UGT3A2: variants seen among roughly 807,000 people sequenced by gnomAD.
UGT3A2 encodes the protein UDP glycosyltransferase family 3 member A2.
UGT3A2 carries 32 observed loss-of-function variants against 39.8 expected under a neutral mutation model. The observed-to-expected ratio is 0.80, with a 90% confidence interval of 0.61 to 1.08. The LOEUF is 1.08. Among genes scored for constraint, UGT3A2 ranks in the 50% least tolerant of loss-of-function variants. The pLI, the probability that UGT3A2 is intolerant of heterozygous loss-of-function variation, is 0.00. For synonymous variants in UGT3A2, 241 were observed against 230.7 expected, an observed-to-expected ratio of 1.04 and a Z score of -0.40; for missense variants, 611 against 637.1, an observed-to-expected ratio of 0.96 and a Z score of 0.44.
At chr5:36,059,126 A>G (rs1742605753) in intron 2 of UGT3A2, among the ~76,000 whole-genome samples, 2 of 152,188 alleles carry the variant, frequency 1.3e-5, no homozygotes, top group African/African-American at 4.8e-5. Flanking sequence ...AGGCACTGAT[A>G]GGGACACATA....
intron 4 of UGT3A2, among the ~76,000 whole-genome samples, chr5:36,045,189 GC>G (rs2111715444): frequency 6.6e-6 from 1 of 152,218 alleles, no homozygotes; most frequent in South Asian, 2.1e-4. Context: ...CCATACATCT[GC>G]GGTGAACTTA....
At chr5:36,041,277 T>C (rs1032652974) in intron 4 of UGT3A2, among the ~76,000 whole-genome samples, 13 of 151,998 alleles carry the variant, frequency 8.6e-5, no homozygotes, top group African/African-American at 3.1e-4. Context: ...CTGGACAGAA[T>C]TCCTAGACCC....
chr5:36,037,218 T>C (rs1741858349), intron 6 of UGT3A2, among the ~76,000 whole-genome samples: 1 of 152,078 alleles, frequency 6.6e-6, no homozygotes, highest in Admixed American at 6.5e-5. Flanking sequence ...CTGGGCAACA[T>C]AAAGAGACTG....
At chr5:36,055,836 T>C (rs1357337374) in intron 2 of UGT3A2, among the ~76,000 whole-genome samples, 1 of 152,258 alleles carries the variant, frequency 6.6e-6, no homozygotes, top group Non-Finnish European at 1.5e-5. Context: ...AGGGACATGT[T>C]CTCATTCCTT....
At chr5:36,055,336 G>A (rs574558120) in intron 2 of UGT3A2, among the ~76,000 whole-genome samples, 41 of 151,966 alleles carry the variant, frequency 2.7e-4, no homozygotes, top group Non-Finnish European at 1.6e-4. Context: ...AGGTTCAAAC[G>A]ATTCATGTGC....
intron 4 of UGT3A2, among the ~76,000 whole-genome samples, chr5:36,046,150 C>T (rs925681187): frequency 1.3e-5 from 2 of 152,156 alleles, no homozygotes; most frequent in African/African-American, 4.8e-5. Context: ...CAAACTCGCA[C>T]ATTGTTTGTG....
In UGT3A2 at chr5:36,064,173, G is replaced by T. The variant is rs1219504024; in HGVS notation, c.196+76C>A. The T allele has an allele frequency of 5.3e-6, 7 of 1,318,398 alleles. No individual in the cohort carries two copies. In the African/African-American group the frequency reaches 7.4e-5, roughly 14 times the overall value. 81.7% of individuals were successfully genotyped at this position (1,318,398 alleles called of 1,614,324 possible). On this transcript the variant is annotated intron_variant, in intron 2 of 6. Transcript: ENST00000282507. ...GAATTAGATTTTTAAAAAACATTTT[G>T]CTAAGCCTTTCTATGCAAACAGCAT...
chr5:36,054,753 G>A (rs1212382104), intron 2 of UGT3A2, among the ~76,000 whole-genome samples: 1 of 152,150 alleles, frequency 6.6e-6, no homozygotes, highest in African/African-American at 2.4e-5. Context: ...ACAAAATTAG[G>A]TTTTAAGGAC....
At chr5:36,063,597 G>A (rs552764541) in intron 2 of UGT3A2, among the ~76,000 whole-genome samples, 2 of 152,212 alleles carry the variant, frequency 1.3e-5, no homozygotes, top group Non-Finnish European at 2.9e-5. Context: ...ATTCTTACAT[G>A]TAAGAAGTGT....
Position 36,049,170 on chromosome 5 carries a change from G to T in UGT3A2, c.562C>A (p.Arg188Ser). 6.2e-7 allele frequency: 1 copy of T among 1,614,160 alleles called. No individual in the cohort carries two copies. Among genetic ancestry groups the T allele is most frequent in the Non-Finnish European group, 8.5e-7 (1 of 1,180,030 alleles). ...PIPLSYVPVF[R>S]SLLTDHMDFW... is the part of the protein sequence containing the mutation. Reference sequence around the variant, plus strand: ...TCCATGTGATCAGTCAGCAAGGAACGGAATACTGGAACATAAGACAAGGGG... The same window carrying T: ...TCCATGTGATCAGTCAGCAAGGAACTGAATACTGGAACATAAGACAAGGGG... The change falls in exon 4 of 7, where the codon CGT becomes AGT. Residue 188 changes from arginine (R) to serine (S), a missense_variant. Physicochemically the swap from Arg to Ser is moderately radical, Grantham distance 110. Coordinates refer to ENST00000282507, the MANE Select transcript of UGT3A2 (RefSeq NM_174914.4).
intron 4 of UGT3A2, among the ~76,000 whole-genome samples, chr5:36,043,208 T>C (rs550855319): frequency 6.6e-6 from 1 of 152,072 alleles, no homozygotes; most frequent in Non-Finnish European, 1.5e-5. Flanking sequence ...GGAATAAAAC[T>C]ATAAGTCAAT....
chr5:36,042,586 CAGAA>C (rs1303770613), intron 4 of UGT3A2, among the ~76,000 whole-genome samples: 2 of 151,824 alleles, frequency 1.3e-5, no homozygotes, highest in African/African-American at 4.8e-5. Flanking sequence ...CCAATCAAAA[CAGAA>C]AGAGTGATTG....
rs575132540 is a variant in UGT3A2, at chr5:36,035,845, G to T, written c.1425C>A (p.Val475=). The part of the protein sequence containing the change: ...TGGATHLKPY[V]FQQPWHEQYL... ...ACTGCTCATGCCAGGGCTGCTGAAA[G>T]ACATAGGGCTTGAGGTGCGTCGCGC... The change falls in exon 7 of 7, where the codon GTC becomes GTA. Residue 475 remains valine, a synonymous_variant. Coordinates refer to ENST00000282507, the MANE Select transcript of UGT3A2 (RefSeq NM_174914.4). The T allele has an allele frequency of 6.2e-7, 1 of 1,614,202 alleles. No individual in the cohort carries two copies. The highest frequency in any genetic ancestry group is 8.5e-7 in the Non-Finnish European group (1 of 1,180,038).
At chr5:36,049,561 C>T in intron 3 of UGT3A2, 141 bp from the exon 4 acceptor site, 1 of 645,064 alleles carries the variant, frequency 1.6e-6, no homozygotes, top group Non-Finnish European at 2.6e-6. Flanking sequence ...CAGTTTCCCA[C>T]AAATACCCTC....
At chr5:36,042,054 G>C (rs192975554) in intron 4 of UGT3A2, among the ~76,000 whole-genome samples, 1 of 152,092 alleles carries the variant, frequency 6.6e-6, no homozygotes, top group East Asian at 1.9e-4. Context: ...ATTTAGCAAA[G>C]AGATTGAAAG....
intron 2 of UGT3A2, among the ~76,000 whole-genome samples, chr5:36,061,811 G>A (rs947388000): frequency 4.5e-4 from 68 of 152,106 alleles, no homozygotes; most frequent in Non-Finnish European, 6.2e-4. Context: ...CTGATGAATC[G>A]CCACACTGAC....
At chr5:36,037,612 C>T (rs1741870406) in intron 6 of UGT3A2, among the ~76,000 whole-genome samples, 185 bp downstream of exon 6, 1 of 152,180 alleles carries the variant, frequency 6.6e-6, no homozygotes, top group South Asian at 2.1e-4. Context: ...CTTAAATGCT[C>T]TAGTCTTGCT....
chr5:36,059,273 C>T (rs1001290298), intron 2 of UGT3A2, among the ~76,000 whole-genome samples: 1 of 151,712 alleles, frequency 6.6e-6, no homozygotes, highest in Non-Finnish European at 1.5e-5. Context: ...TGTTCTAAAA[C>T]ATGTACTGTT....
At chr5:36,044,006 TATACCAAAACCAGACAA>T (rs1742090146) in intron 4 of UGT3A2, among the ~76,000 whole-genome samples, 2 of 151,944 alleles carry the variant, frequency 1.3e-5, no homozygotes, top group Admixed American at 6.6e-5. Context: ...GTATTACCTT[TATACCAAAACCAGACAA>T]ATACACATCG....
Sources: gnomAD v4.1 joint callset for allele counts (sites outside exome capture counted in the v4.1 genomes callset) on GRCh38, gnomAD v4.1.1 for gene constraint, MANE v1.5 for transcripts, NCBI Gene and HGNC (gene_info 2026-07-23, HGNC 2026-07-21) for gene names.